Variants in OLFM3 observed in about 807,000 individuals in gnomAD.
OLFM3 encodes the protein noelin-3.
A neutral mutation model predicts 48.6 loss-of-function variants in OLFM3; 20 were observed. That is an observed-to-expected ratio of 0.41 (90% confidence interval 0.29 to 0.60). The LOEUF (loss-of-function observed/expected upper bound fraction) is 0.60. OLFM3 is among the 20% of genes least tolerant of loss of function. OLFM3 has a pLI of 0.28. For synonymous variants in OLFM3, 222 were observed against 198.1 expected, an observed-to-expected ratio of 1.12 and a Z score of -1.01; for missense variants, 437 against 544.3, an observed-to-expected ratio of 0.80 and a Z score of 1.96.
At position 101,832,652 on chromosome 1, in the gene OLFM3, C is replaced by T. The variant is rs1010597; in HGVS notation, c.217-1825G>A. Among the ~76,000 whole-genome samples, 343 of 152,272 alleles carry T rather than the reference C, an allele frequency of 2.3e-3. 5 individuals are homozygous for T. The highest frequency in any genetic ancestry group is 8.9e-3 in the East Asian group (46 of 5,188). ...TATCTTCCATTTCCAAGACCTTACACGGAACCAGGCACAGAGTAAGTGTTC... is the reference window on the plus strand; with the variant it reads ...TATCTTCCATTTCCAAGACCTTACATGGAACCAGGCACAGAGTAAGTGTTC... On this transcript the variant is annotated intron_variant, in intron 2 of 5. Coordinates refer to ENST00000370103, the MANE Select transcript of OLFM3 (RefSeq NM_058170.4).
intron 1 of OLFM3, among the ~76,000 whole-genome samples, chr1:101,924,207 C>T (rs1022759418): frequency 1.3e-5 from 2 of 152,262 alleles, no homozygotes; most frequent in Middle Eastern, 3.4e-3. Context: ...TGATTATGAA[C>T]ACTTTTATAG....
chr1:101,991,016 A>AAAAAAAAATAT (rs1553186119), intron 1 of OLFM3, among the ~76,000 whole-genome samples: 6 of 32,218 alleles, frequency 1.9e-4, no homozygotes, highest in Admixed American at 8.1e-4. Context: ...AAAAAAAAAA[A>AAAAAAAAATAT]ATATATATAT....
rs756303763 is a variant in OLFM3, at chr1:101,825,243, C to T, written c.375G>A (p.Glu125=). The T allele has an allele frequency of 9.3e-6, 15 of 1,613,098 alleles. No individual in the cohort carries two copies. Among genetic ancestry groups the T allele is most frequent in the Non-Finnish European group, 1.2e-5 (14 of 1,179,414 alleles). ...RKTLMTKHFQ[E]LKEKMDELLP... The stretch of plus-strand genomic sequence containing the variant: ...GGAGCTCGTCCATTTTCTCTTTCAA[C>T]TCCTGTGAAAAGCAGCCTATTGTTC... Residue 125 remains glutamate (E), a splice_region_variant and synonymous_variant, in exon 4 of 6, where the codon GAG becomes GAA. Transcript: ENST00000370103.
chr1:101,806,177 C>T lies in OLFM3; in HGVS notation c.598G>A (p.Gly200Ser). The part of the protein sequence containing the change: ...LRDCMKKLTC[G>S]KLMKITGPVT... ...GGGCCTGTGATTTTCATCAGTTTGC[C>T]ACATGCTGAAATTAGAGAAACACAA... Residue 200 changes from glycine (G) to serine (S), a missense_variant, in exon 5 of 6, where the codon GGC (glycine) becomes AGC (serine). Physicochemically the swap from Gly to Ser is moderately conservative, Grantham distance 56 (BLOSUM62 0). This residue lies in a region of OLFM3 where 314 missense variants were observed against 365.5 expected (regional missense o/e 0.86). Coordinates refer to ENST00000370103, the MANE Select transcript of OLFM3 (RefSeq NM_058170.4). 6.2e-7 allele frequency: 1 copy of T among 1,611,170 alleles called. No homozygotes were observed. Among genetic ancestry groups the T allele is most frequent in the Non-Finnish European group, 8.5e-7 (1 of 1,178,076 alleles).
intron 1 of OLFM3, among the ~76,000 whole-genome samples, chr1:101,989,885 T>C (rs1169398091): frequency 1.3e-5 from 2 of 152,108 alleles, no homozygotes; most frequent in Non-Finnish European, 2.9e-5. Context: ...CTTGAGAAAA[T>C]CCCTTTTCTG....
chr1:101,919,859 A>T (rs1444195859), intron 1 of OLFM3, among the ~76,000 whole-genome samples: 2 of 152,124 alleles, frequency 1.3e-5, no homozygotes, highest in Non-Finnish European at 2.9e-5. Context: ...GCATATCCTA[A>T]ACTGAATTTA....
chr1:101,821,135 A>G (rs75561221), intron 4 of OLFM3, among the ~76,000 whole-genome samples: 2 of 152,174 alleles, frequency 1.3e-5, no homozygotes, highest in Non-Finnish European at 2.9e-5. Context: ...ATGCATTCTG[A>G]TATATGGATA....
rs183653916 is a variant in OLFM3, at chr1:101,903,536, T to C, written c.70-66511A>G. Among the ~76,000 whole-genome samples, 30 of 152,176 alleles carry C rather than the reference T, an allele frequency of 2.0e-4. 1 individual carries two copies. In the Middle Eastern group the frequency reaches 0.014, roughly 69 times the overall value. On this transcript the variant is annotated intron_variant, in intron 1 of 5. Coordinates refer to ENST00000370103, the MANE Select transcript of OLFM3 (RefSeq NM_058170.4). ...TTTAGTCCGTGCATGATGTTAACTG[T>C]TGAGTTTGTAAGGCTTATAATATTG...
intron 1 of OLFM3, among the ~76,000 whole-genome samples, chr1:101,932,678 G>A (rs965549110): frequency 6.6e-6 from 1 of 152,116 alleles, no homozygotes; most frequent in African/African-American, 2.4e-5. Flanking sequence ...CAACTCCAGA[G>A]ACTGAAAGAA....
At chr1:101,890,379 A>G (rs1319021546) in intron 1 of OLFM3, among the ~76,000 whole-genome samples, 3 of 151,986 alleles carry the variant, frequency 2.0e-5, no homozygotes, top group Non-Finnish European at 2.9e-5. Flanking sequence ...ACACATACAC[A>G]CAGAAAGAGG....
At chr1:101,823,580 A>G (rs1654710010) in intron 4 of OLFM3, among the ~76,000 whole-genome samples, 1 of 152,046 alleles carries the variant, frequency 6.6e-6, no homozygotes, top group Admixed American at 6.6e-5. Context: ...ATGAAGGGTC[A>G]CATAAGCCAT....
At chr1:101,957,757 G>A (rs1045361006) in intron 1 of OLFM3, among the ~76,000 whole-genome samples, 1 of 151,994 alleles carries the variant, frequency 6.6e-6, no homozygotes, top group Non-Finnish European at 1.5e-5. Context: ...TTCTTAAAAG[G>A]TTAGAGACTA....
intron 1 of OLFM3, among the ~76,000 whole-genome samples, chr1:101,915,318 T>G (rs1202654716): frequency 6.6e-6 from 1 of 152,028 alleles, no homozygotes; most frequent in Non-Finnish European, 1.5e-5. Context: ...TTTTAAAAAC[T>G]TGCTATAAAT....
chr1:101,945,479 T>G (rs1201103109), intron 1 of OLFM3, among the ~76,000 whole-genome samples: 6 of 152,016 alleles, frequency 3.9e-5, no homozygotes, highest in Non-Finnish European at 1.5e-5. Context: ...AGGAAGCAGG[T>G]CAGTGGTTTC....
intron 1 of OLFM3, among the ~76,000 whole-genome samples, chr1:101,920,283 T>C (rs998656875): frequency 6.6e-6 from 1 of 152,192 alleles, no homozygotes; most frequent in African/African-American, 2.4e-5. Context: ...AAAGTCAGGA[T>C]AGTGGCCTAT....
chr1:101,821,754 A>G (rs1423499820), intron 4 of OLFM3, among the ~76,000 whole-genome samples: 1 of 152,168 alleles, frequency 6.6e-6, no homozygotes, highest in Admixed American at 6.6e-5. Flanking sequence ...AACTATTTTC[A>G]GTATTTTATA....
chr1:101,843,714 C>T (rs752099884), intron 1 of OLFM3, among the ~76,000 whole-genome samples: 3 of 152,130 alleles, frequency 2.0e-5, no homozygotes, highest in Non-Finnish European at 4.4e-5. Context: ...TTCAGAGGCA[C>T]CTGCCATAAA....
intron 1 of OLFM3, among the ~76,000 whole-genome samples, chr1:101,986,918 A>G (rs1661258365): frequency 6.6e-6 from 1 of 152,174 alleles, no homozygotes; most frequent in Admixed American, 6.5e-5. Context: ...ATTTAAATAC[A>G]TATTGACAAA....
chr1:101,982,839 T>C (rs1382633269), intron 1 of OLFM3, among the ~76,000 whole-genome samples: 1 of 152,142 alleles, frequency 6.6e-6, no homozygotes, highest in East Asian at 1.9e-4. Flanking sequence ...ATCTGGGACT[T>C]ATCCGCCTAC....
Sources: allele counts gnomAD v4.1 joint callset (sites outside exome capture counted in the v4.1 genomes callset), GRCh38; gene constraint gnomAD v4.1.1; regional missense constraint gnomAD v4.1.1; transcripts MANE v1.5; gene names NCBI Gene and HGNC (gene_info 2026-07-23, HGNC 2026-07-21).